The following MAGI2 variants were observed in gnomAD, a reference collection of about 807,000 sequenced individuals.
MAGI2 encodes membrane associated guanylate kinase, WW and PDZ domain containing 2.
In MAGI2, 35 loss-of-function variants were observed where a neutral mutation model predicts 133.3. The observed-to-expected ratio is 0.26, with a 90% CI of 0.20 to 0.35. The LOEUF (loss-of-function observed/expected upper bound fraction) is 0.35, where lower values mean the gene tolerates loss of function less well. MAGI2 is among the 10% of genes least tolerant of loss of function. MAGI2 has a pLI of 1.00. For synonymous variants in MAGI2, 729 were observed against 710.6 expected, an observed-to-expected ratio of 1.03 and a Z score of -0.41; for missense variants, 1,636 against 1,863.4, an observed-to-expected ratio of 0.88 and a Z score of 2.25.
chr7:78,121,468 T>G (rs1182144949), intron 20 of MAGI2, among the ~76,000 whole-genome samples: 2 of 152,186 alleles, frequency 1.3e-5, no homozygotes, highest in Non-Finnish European at 2.9e-5. Flanking sequence ...AGAGAGAACA[T>G]GAACGTCTAA....
chr7:78,661,874 G>A (rs1812995174), intron 2 of MAGI2, among the ~76,000 whole-genome samples: 1 of 152,070 alleles, frequency 6.6e-6, no homozygotes, highest in Non-Finnish European at 1.5e-5. Flanking sequence ...ATTTTTACAT[G>A]CAATTATTTG....
At chr7:78,085,437 C>T (rs951355902) in intron 20 of MAGI2, among the ~76,000 whole-genome samples, 6 of 151,894 alleles carry the variant, frequency 4.0e-5, no homozygotes, top group African/African-American at 1.2e-4. Flanking sequence ...GTGGGAGGAT[C>T]ACTTGAGCCC....
intron 4 of MAGI2, among the ~76,000 whole-genome samples, chr7:78,502,649 T>G (rs1043000714): frequency 1.5e-4 from 23 of 152,226 alleles, no homozygotes; most frequent in Non-Finnish European, 5.9e-5. Flanking sequence ...ATAGTTTTTT[T>G]GTATAGTATA....
chr7:78,606,879 T>A (rs1805872742), intron 3 of MAGI2, among the ~76,000 whole-genome samples: 2 of 152,210 alleles, frequency 1.3e-5, no homozygotes, highest in Admixed American at 6.5e-5. Flanking sequence ...TTCATCTACA[T>A]GGGCTGTTTC....
chr7:79,143,453 A>G (rs1005682989), intron 1 of MAGI2, among the ~76,000 whole-genome samples: 5 of 152,188 alleles, frequency 3.3e-5, no homozygotes, highest in Admixed American at 6.5e-5. Flanking sequence ...TAAATTACAC[A>G]TTTTCACAGT....
At chr7:79,344,860 G>T (rs1267021058) in intron 1 of MAGI2, among the ~76,000 whole-genome samples, 2 of 152,036 alleles carry the variant, frequency 1.3e-5, no homozygotes, top group Non-Finnish European at 2.9e-5. Flanking sequence ...TTGATATTAG[G>T]GGAGTCAGTT....
chr7:78,304,153 T>C (rs147148396), intron 9 of MAGI2, among the ~76,000 whole-genome samples: 1 of 152,324 alleles, frequency 6.6e-6, no homozygotes, highest in African/African-American at 2.4e-5. Flanking sequence ...ATTGCTCTCA[T>C]ACCAATCTAA....
At chr7:79,422,765 C>T (rs1847062873) in intron 1 of MAGI2, among the ~76,000 whole-genome samples, 2 of 152,068 alleles carry the variant, frequency 1.3e-5, no homozygotes, top group South Asian at 4.1e-4. Flanking sequence ...AAAAACACAG[C>T]CCGACTCTGG....
intron 19 of MAGI2, among the ~76,000 whole-genome samples, chr7:78,126,852 C>T (rs539885500): frequency 4.7e-4 from 72 of 152,346 alleles, no homozygotes; most frequent in Admixed American, 1.4e-3. Context: ...GCATTAGCAG[C>T]ACTCTCAGAG....
At chr7:79,175,766 T>A (rs1826038184) in intron 1 of MAGI2, among the ~76,000 whole-genome samples, 1 of 152,038 alleles carries the variant, frequency 6.6e-6, no homozygotes, top group African/African-American at 2.4e-5. Flanking sequence ...AGTATTTGTG[T>A]ATTCGAATAT....
intron 2 of MAGI2, among the ~76,000 whole-genome samples, chr7:78,632,438 T>C (rs182513690): frequency 1.3e-5 from 2 of 152,272 alleles, no homozygotes; most frequent in East Asian, 3.9e-4. Context: ...ACAATACTTG[T>C]AGGCTGTACA....
chr7:78,178,183 T>C, intron 13 of MAGI2, 81 bp from the exon 14 acceptor site: 1 of 890,834 alleles, frequency 1.1e-6, no homozygotes, highest in Non-Finnish European at 1.8e-6. Context: ...CAATGATAAA[T>C]TAATTTTGTG....
chr7:78,325,242 A>T (rs532988241), intron 9 of MAGI2, among the ~76,000 whole-genome samples: 1 of 152,286 alleles, frequency 6.6e-6, no homozygotes, highest in East Asian at 1.9e-4. Flanking sequence ...CCTGAAAAGA[A>T]CCAAAAAGGG....
At chr7:78,140,687 T>C (rs1425617049) in intron 16 of MAGI2, among the ~76,000 whole-genome samples, 1 of 152,220 alleles carries the variant, frequency 6.6e-6, no homozygotes, top group African/African-American at 2.4e-5. Context: ...CTTTCAATAA[T>C]ATACGTGAAA....
chr7:79,028,239 A>ATATATATATATATG (rs1810123890), intron 1 of MAGI2, among the ~76,000 whole-genome samples: 3 of 34,858 alleles, frequency 8.6e-5, no homozygotes, highest in Non-Finnish European at 1.8e-4. Context: ...ATGTATGTAT[A>ATATATATATATATG]TATATATATA....
chr7:78,480,311 A>C (rs972544), intron 6 of MAGI2, among the ~76,000 whole-genome samples: 55,855 of 151,208 alleles, frequency 0.37, 10,682 homozygotes, highest in East Asian at 0.6. Context: ...CAGAAGATGA[A>C]GGAATGCTTA....
At chr7:78,728,911 C>T (rs901297132) in intron 2 of MAGI2, among the ~76,000 whole-genome samples, 67 of 152,264 alleles carry the variant, frequency 4.4e-4, no homozygotes, top group African/African-American at 1.3e-3. Context: ...ATTCATCTTA[C>T]TCTTCCTTTC....
At chr7:78,917,808 G>A (rs1235172982) in intron 2 of MAGI2, among the ~76,000 whole-genome samples, 1 of 152,106 alleles carries the variant, frequency 6.6e-6, no homozygotes, top group Non-Finnish European at 1.5e-5. Context: ...ACTCAGAAAA[G>A]CACTTTACTT....
chr7:78,584,452 A>G (rs1393695711), intron 3 of MAGI2, among the ~76,000 whole-genome samples: 1 of 136,830 alleles, frequency 7.3e-6, no homozygotes, highest in Non-Finnish European at 1.6e-5. Context: ...AAAAAAAAAG[A>G]AACAAAGACG....
Sources: gnomAD v4.1 joint callset for allele counts (sites outside exome capture counted in the v4.1 genomes callset) on GRCh38, gnomAD v4.1.1 for gene constraint, MANE v1.5 for transcripts, NCBI Gene and HGNC (gene_info 2026-07-23, HGNC 2026-07-21) for gene names.